NARS1: variants seen among roughly 807,000 people sequenced by gnomAD.
NARS1 encodes asparaginyl-tRNA synthetase 1, also known as asparagine--tRNA ligase, cytoplasmic.
Under a neutral mutation model 79.2 loss-of-function variants are expected in NARS1, and 65 were observed. The ratio of observed to expected loss-of-function variants is 0.82; its 90% CI spans 0.67 to 1.01. NARS1 has a LOEUF of 1.01. Among genes scored for constraint, NARS1 ranks in the 50% least tolerant of loss-of-function variants. NARS1 has a pLI of 0.00. For synonymous variants in NARS1, 229 were observed against 238.8 expected (o/e 0.96, Z 0.38); for missense variants, 649 against 673.8 (o/e 0.96, Z 0.41).
chr18:57,601,764 G>A lies in NARS1; in HGVS notation c.1535C>T (p.Pro512Leu). ...CAAGCCCAAGCCATATCCTCCATGG[G>A]GACATGTACCGTATTTTCTCTGTTT... is the stretch of plus-strand genomic sequence containing the variant. ...YTDQRKYGTCPHGGYGLGLER... is the reference protein window; with the variant it reads ...YTDQRKYGTCLHGGYGLGLER... Residue 512 changes from proline (P) to leucine (L), a missense_variant, in exon 14 of 14, where the codon CCC (proline) becomes CTC (leucine). Pro to Leu is a moderately conservative substitution (Grantham distance 98). Coordinates refer to ENST00000256854, the MANE Select transcript of NARS1 (RefSeq NM_004539.4). 6.2e-7 allele frequency: 1 copy of A among 1,613,210 alleles called. No homozygotes were observed. The highest frequency in any genetic ancestry group is 8.5e-7 in the Non-Finnish European group (1 of 1,179,358).
intron 4 of NARS1, among the ~76,000 whole-genome samples, chr18:57,615,297 T>C (rs2051639265): frequency 6.6e-6 from 1 of 151,778 alleles, no homozygotes; most frequent in Non-Finnish European, 1.5e-5. Context: ...GATCGGGAGA[T>C]CAAGACCATC....
chr18:57,608,653 C>T (rs2051581627), intron 7 of NARS1, among the ~76,000 whole-genome samples: 1 of 152,060 alleles, frequency 6.6e-6, no homozygotes, highest in South Asian at 2.1e-4. Flanking sequence ...CTGAGTTGTA[C>T]AATGTACATA....
Position 57,601,529 on chromosome 18 carries a change from AG to A in NARS1, c.*122del. The A allele has an allele frequency of 7.1e-6, 7 of 984,396 alleles. No individual in the cohort carries two copies. Among genetic ancestry groups the A allele is most frequent in the Non-Finnish European group, 1.0e-5 (7 of 700,486 alleles). 61.0% of individuals were successfully genotyped at this position (984,396 alleles called of 1,614,324 possible). On this transcript the variant is annotated 3_prime_UTR_variant, in exon 14 of 14. Coordinates refer to ENST00000256854, the MANE Select transcript of NARS1 (RefSeq NM_004539.4). ...GATTTGAGATAGTTTTTATGGTAGT[AG>A]AAAGAAAAACAGAAAGAGAAACCCC...
At chr18:57,605,621 A>G (rs1218432373) in intron 11 of NARS1, among the ~76,000 whole-genome samples, 2 of 151,350 alleles carry the variant, frequency 1.3e-5, no homozygotes, top group African/African-American at 4.8e-5. Context: ...AAAAAAAAAA[A>G]AAAAAAAGAA....
chr18:57,621,819 A>T lies in NARS1; in HGVS notation c.-102T>A. The T allele has an allele frequency of 6.3e-7, 1 of 1,589,834 alleles. No homozygotes were observed. Among genetic ancestry groups the T allele is most frequent in the Non-Finnish European group, 8.5e-7 (1 of 1,171,072 alleles). On this transcript the variant is annotated 5_prime_UTR_variant, in exon 1 of 14. It removes an upstream start codon present in the reference 5' UTR. Coordinates refer to ENST00000256854, the MANE Select transcript of NARS1 (RefSeq NM_004539.4). Reference sequence around the variant, plus strand: ...GCGGTTTCCGCGATTCCGGCGTTGCATCAGAGAGCGTAGATCTGAGGGCGC... The same window carrying T: ...GCGGTTTCCGCGATTCCGGCGTTGCTTCAGAGAGCGTAGATCTGAGGGCGC...
chr18:57,612,673 C>T (rs1388112046), intron 5 of NARS1, among the ~76,000 whole-genome samples: 2 of 152,168 alleles, frequency 1.3e-5, no homozygotes, highest in African/African-American at 2.4e-5. Flanking sequence ...TGACCTCAGG[C>T]GATCCACCCG....
chr18:57,613,495 A>C, intron 5 of NARS1, 107 bp downstream of exon 5: 1 of 959,274 alleles, frequency 1.0e-6, no homozygotes, highest in South Asian at 1.6e-5. Flanking sequence ...TGTGTCTAAG[A>C]AAAAAAGGGG....
In NARS1 at chr18:57,621,683, G is replaced by A; in HGVS notation, c.10+25C>T. ...GTTCCTGCCCCAGGCAGGGAACACC[G>A]CGCCATACACTGAGTCTCACCCACC... On this transcript the variant is annotated intron_variant, in intron 1 of 13. Transcript: ENST00000256854. 5 of 1,603,588 alleles carry A rather than the reference G, an allele frequency of 3.1e-6. No individual in the cohort carries two copies. In the Middle Eastern group the frequency reaches 5.0e-4, roughly 160 times the overall value.
rs952035856 is a variant in NARS1 at position 57,607,046 on chromosome 18, T to A, written c.1001+88A>T. ...ACTTAATATATCAGTTGGTTTTTTT[T>A]AAAACATAAACATAATTTACCTACA... On this transcript the variant is annotated intron_variant, in intron 9 of 13. Transcript: ENST00000256854. 4.1e-5 allele frequency: 57 copies of A among 1,385,038 alleles called. No individual in the cohort carries two copies. The Middle Eastern group carries it at 6.1e-4, about 15-fold the overall frequency. 85.8% of individuals were successfully genotyped at this position (1,385,038 alleles called of 1,614,324 possible). A position where few individuals can be genotyped will look rare whatever the true frequency, so the allele number is the denominator to read the frequency against.
chr18:57,601,483 A>T lies in NARS1; in HGVS notation c.*169T>A. ...TATTTTTTCTTAAGATGACAACCTT[A>T]ATATCACTTGATGTTCAGGTGATTT... On this transcript the variant is annotated 3_prime_UTR_variant, in exon 14 of 14. Transcript: ENST00000256854. The T allele has an allele frequency of 1.6e-6, 1 of 615,866 alleles. No individual in the cohort carries two copies. Among genetic ancestry groups the T allele is most frequent in the Non-Finnish European group, 2.5e-6 (1 of 395,442 alleles). 38.2% of individuals were successfully genotyped at this position (615,866 alleles called of 1,614,324 possible).
At chr18:57,615,525 A>C in intron 4 of NARS1, 116 bp downstream of exon 4, 1 of 682,524 alleles carries the variant, frequency 1.5e-6, no homozygotes, top group African/African-American at 1.8e-5. Context: ...TAAATAAATA[A>C]ATGGAAAGTA....
At chr18:57,613,547 A>T in intron 5 of NARS1, 55 bp downstream of exon 5, 1 of 1,427,946 alleles carries the variant, frequency 7.0e-7, no homozygotes, top group Non-Finnish European at 9.7e-7. Context: ...GTTTTTCTTC[A>T]TCTAAGAGCA....
Position 57,605,869 on chromosome 18 carries a change from A to G in NARS1, c.1239T>C (p.Tyr413=), listed in dbSNP as rs776182625. 2.5e-6 allele frequency: 4 copies of G among 1,602,886 alleles called. No homozygotes were observed. In the African/African-American group the frequency reaches 5.4e-5, roughly 21 times the overall value. The change falls in exon 11 of 14, where the codon TAT becomes TAC. Residue 413 remains tyrosine (Y), a synonymous_variant. Transcript: ENST00000256854. The stretch of plus-strand genomic sequence containing the variant: ...AAGGGATACATACTTCTCCAAATTC[A>G]TAGAAAGTTCCATCTTCTTTCTTTA... The part of the protein sequence containing the change: ...HDVKKEDGTF[Y]EFGEDIPEAP...
chr18:57,607,102 G>C (rs768117115), intron 9 of NARS1, 32 bp downstream of exon 9: 43 of 1,565,084 alleles, frequency 2.7e-5, no homozygotes, highest in South Asian at 1.7e-4. Flanking sequence ...ATATTACCTA[G>C]AAAGAAATAA....
At position 57,609,337 on chromosome 18, in the gene NARS1, G is replaced by A; in HGVS notation, c.579+20C>T. ...TAAATAAACTATTCATTCACCCAGT[G>A]CGAAACTCAATCCACTCACCTGCTT... On this transcript the variant is annotated intron_variant, in intron 7 of 13. Coordinates refer to ENST00000256854, the MANE Select transcript of NARS1 (RefSeq NM_004539.4). 6.3e-7 allele frequency: 1 copy of A among 1,580,332 alleles called. No homozygotes were observed. Among genetic ancestry groups the A allele is most frequent in the Non-Finnish European group, 8.7e-7 (1 of 1,150,564 alleles).
chr18:57,617,788 G>A (rs1315466247), intron 2 of NARS1, among the ~76,000 whole-genome samples: 5 of 149,580 alleles, frequency 3.3e-5, no homozygotes, highest in East Asian at 4.0e-4. Context: ...GGTGGCACAC[G>A]CCTGTGGTCC....
intron 7 of NARS1, among the ~76,000 whole-genome samples, chr18:57,607,879 T>A (rs2051572694): frequency 6.6e-6 from 1 of 151,608 alleles, no homozygotes. Context: ...CTTTTTTTTT[T>A]TTTTTTGAGA....
intron 4 of NARS1, among the ~76,000 whole-genome samples, chr18:57,615,363 G>A (rs546808176): frequency 2.0e-5 from 3 of 152,096 alleles, no homozygotes; most frequent in African/African-American, 7.2e-5. Context: ...TTAGCCGGGC[G>A]TGGTGGCGGG....
At chr18:57,612,578 G>A (rs2051613279) in intron 5 of NARS1, among the ~76,000 whole-genome samples, 2 of 152,074 alleles carry the variant, frequency 1.3e-5, no homozygotes, top group Admixed American at 6.6e-5. Flanking sequence ...TGGGATTACA[G>A]GTGCTCACAA....
Sources: allele counts gnomAD v4.1 joint callset (sites outside exome capture counted in the v4.1 genomes callset), GRCh38; gene constraint gnomAD v4.1.1; transcripts MANE v1.5; gene names NCBI Gene and HGNC (gene_info 2026-07-23, HGNC 2026-07-21).